DPYD: variants seen among roughly 807,000 people sequenced by gnomAD.
DPYD encodes the protein dihydropyrimidine dehydrogenase.
A neutral mutation model predicts 116.2 loss-of-function variants in DPYD; 109 were observed. The ratio of observed to expected loss-of-function variants is 0.94; its 90% CI spans 0.80 to 1.10. DPYD has a LOEUF of 1.10. Ranked by LOEUF, DPYD falls within the 50% of genes least tolerant of loss-of-function variation. The pLI, the probability that DPYD is intolerant of heterozygous loss-of-function variation, is 0.00. For synonymous variants in DPYD, 440 were observed against 432.0 expected, an observed-to-expected ratio of 1.02 and a Z score of -0.23; for missense variants, 1,302 against 1,254.5, an observed-to-expected ratio of 1.04 and a Z score of -0.57.
chr1:97,479,482 G>A (rs1678178411), intron 13 of DPYD, among the ~76,000 whole-genome samples: 1 of 152,168 alleles, frequency 6.6e-6, no homozygotes, highest in Non-Finnish European at 1.5e-5. Context: ...TATGGGCATG[G>A]TTTGTGGTGC....
At chr1:97,666,795 C>A (rs2100883277) in intron 8 of DPYD, among the ~76,000 whole-genome samples, 1 of 152,222 alleles carries the variant, frequency 6.6e-6, no homozygotes, top group Admixed American at 6.5e-5. Context: ...ATCTCTTCTG[C>A]TACCTATGTT....
At chr1:97,484,904 T>C (rs1557744549) in intron 13 of DPYD, among the ~76,000 whole-genome samples, 1 of 152,226 alleles carries the variant, frequency 6.6e-6, no homozygotes, top group Non-Finnish European at 1.5e-5. Context: ...CAGGTAACTA[T>C]GAATTCATCT....
At chr1:97,653,544 C>G (rs1375630360) in intron 8 of DPYD, among the ~76,000 whole-genome samples, 1 of 152,082 alleles carries the variant, frequency 6.6e-6, no homozygotes, top group Non-Finnish European at 1.5e-5. Flanking sequence ...ACCTCGTGAT[C>G]TGCCCGCCTC....
intron 16 of DPYD, among the ~76,000 whole-genome samples, chr1:97,336,697 C>T (rs965380389): frequency 1.4e-4 from 22 of 152,186 alleles, no homozygotes; most frequent in Non-Finnish European, 3.2e-4. Flanking sequence ...TTACAGTGAG[C>T]TGAGATTGCA....
intron 1 of DPYD, among the ~76,000 whole-genome samples, chr1:97,892,902 A>G (rs1038525493): frequency 1.3e-5 from 2 of 151,806 alleles, no homozygotes; most frequent in Admixed American, 6.6e-5. Context: ...TTGGGTTTCT[A>G]TCTTAGCTCT....
In DPYD at chr1:97,887,469, T is replaced by TAAAAAAAAAAAA. The variant is rs57316508; in HGVS notation, c.40-4107_40-4096dup. Among the ~76,000 whole-genome samples the TAAAAAAAAAAAA allele has an allele frequency of 4.0e-3, 190 of 47,138 alleles. 4 individuals are homozygous for TAAAAAAAAAAAA. The highest frequency in any genetic ancestry group is 0.011 in the Middle Eastern group (1 of 88). The allele number at this position is 47,138 out of a possible 152,430, so 30.9% of individuals were successfully genotyped here. On this transcript the variant is annotated intron_variant, in intron 1 of 22. Transcript: ENST00000370192. ...TGGGTGACAAAGTGAGACTCTGCAT[T>TAAAAAAAAAAAA]AAAAAAAAAAAAAAAAAAAAAAAAA...
chr1:97,556,290 C>T (rs894691234), intron 11 of DPYD, among the ~76,000 whole-genome samples: 1 of 152,010 alleles, frequency 6.6e-6, no homozygotes, highest in Non-Finnish European at 1.5e-5. Flanking sequence ...CCTCATGATG[C>T]ATTTTTAATA....
At chr1:97,215,815 T>C (rs879473543) in intron 19 of DPYD, among the ~76,000 whole-genome samples, 1 of 152,200 alleles carries the variant, frequency 6.6e-6, no homozygotes, top group Non-Finnish European at 1.5e-5. Flanking sequence ...TGGTATAAGA[T>C]ACTTGTGACT....
At chr1:97,099,374 C>T (rs1479852653) in intron 20 of DPYD, among the ~76,000 whole-genome samples, 1 of 152,056 alleles carries the variant, frequency 6.6e-6, no homozygotes, top group Non-Finnish European at 1.5e-5. Context: ...TTGTACTTTA[C>T]AAAGTTCATT....
chr1:97,681,182 T>G (rs1474017665), intron 7 of DPYD, among the ~76,000 whole-genome samples: 1 of 152,168 alleles, frequency 6.6e-6, no homozygotes, highest in East Asian at 1.9e-4. Context: ...AGAGCTTACA[T>G]AACCTTTATT....
At chr1:97,897,654 T>C (rs1673147858) in intron 1 of DPYD, among the ~76,000 whole-genome samples, 1 of 151,916 alleles carries the variant, frequency 6.6e-6, no homozygotes, top group South Asian at 2.1e-4. Flanking sequence ...TTCAATATTA[T>C]CCAGTGTGTT....
intron 6 of DPYD, among the ~76,000 whole-genome samples, chr1:97,698,806 T>C (rs1661439219): frequency 6.6e-6 from 1 of 151,926 alleles, no homozygotes; most frequent in African/African-American, 2.4e-5. Flanking sequence ...TATATTCCCA[T>C]TTCCATGTAT....
chr1:97,721,423 C>T, intron 5 of DPYD, 87 bp downstream of exon 5: 1 of 1,526,652 alleles, frequency 6.6e-7, no homozygotes, highest in Non-Finnish European at 9.0e-7. Flanking sequence ...TGTTGGGTAT[C>T]AACAGAGCAC....
chr1:97,776,885 G>T lies in DPYD; in HGVS notation c.234-36406C>A, dbSNP rs373415408. Among the ~76,000 whole-genome samples the T allele has an allele frequency of 5.9e-5, 9 of 152,084 alleles. No homozygotes were observed. In the East Asian group the frequency reaches 9.6e-4, roughly 16 times the overall value. ...ATTTTTCTTTAGGACTTTATTAATTGTCAAAATTAGTTGTTACTGTTATTA... is the reference window on the plus strand; with the variant it reads ...ATTTTTCTTTAGGACTTTATTAATTTTCAAAATTAGTTGTTACTGTTATTA... On this transcript the variant is annotated intron_variant, in intron 3 of 22. Transcript: ENST00000370192.
intron 13 of DPYD, among the ~76,000 whole-genome samples, chr1:97,482,838 C>T (rs1190153711): frequency 1.3e-5 from 2 of 152,120 alleles, no homozygotes; most frequent in African/African-American, 4.8e-5. Context: ...TATAACCTCT[C>T]AAGCAAATTT....
At chr1:97,553,055 T>C (rs1651442579) in intron 11 of DPYD, among the ~76,000 whole-genome samples, 1 of 151,882 alleles carries the variant, frequency 6.6e-6, no homozygotes, top group Admixed American at 6.6e-5. Context: ...CTACAGTGGG[T>C]CAGAAATATT....
intron 14 of DPYD, among the ~76,000 whole-genome samples, chr1:97,391,315 CTT>C (rs1672693848): frequency 1.3e-5 from 2 of 151,946 alleles, no homozygotes; most frequent in East Asian, 1.9e-4. Context: ...CAAAACCAAA[CTT>C]AAATTTCTCC....
chr1:97,372,444 T>A (rs1671355975), intron 16 of DPYD, among the ~76,000 whole-genome samples: 1 of 151,910 alleles, frequency 6.6e-6, no homozygotes, highest in Admixed American at 6.6e-5. Flanking sequence ...TAGTTCTGAG[T>A]CTTGGTTCTG....
chr1:97,628,459 G>C (rs1657064075), intron 8 of DPYD, among the ~76,000 whole-genome samples: 1 of 152,100 alleles, frequency 6.6e-6, no homozygotes, highest in African/African-American at 2.4e-5. Context: ...CTAGTGATAA[G>C]AGAAGATGCC....
Sources: allele counts gnomAD v4.1 joint callset (sites outside exome capture counted in the v4.1 genomes callset), GRCh38; gene constraint gnomAD v4.1.1; transcripts MANE v1.5; gene names NCBI Gene and HGNC (gene_info 2026-07-23, HGNC 2026-07-21).